The following TULP4 variants were observed in gnomAD, a reference collection of about 807,000 sequenced individuals.
TULP4 encodes TUB like protein 4, also known as tubby-related protein 4.
A neutral mutation model predicts 129.0 loss-of-function variants in TULP4; 16 were observed. That is an observed-to-expected ratio of 0.12 (90% CI 0.08 to 0.19). TULP4 has a LOEUF of 0.19. TULP4 is among the 10% of genes least tolerant of loss of function. The probability of loss-of-function intolerance (pLI) is 1.00; values close to 1 mark genes in which losing one functional copy is unlikely to be tolerated. For synonymous variants in TULP4, 998 were observed against 854.0 expected (o/e 1.17, Z -2.94); for missense variants, 1,842 against 2,059.1 (o/e 0.89, Z 2.04).
chr6:158,245,687 G>T (rs1222199033), intron 1 of TULP4, among the ~76,000 whole-genome samples: 5 of 152,094 alleles, frequency 3.3e-5, no homozygotes, highest in Non-Finnish European at 7.4e-5. Flanking sequence ...TTATTTAAAT[G>T]GATTATATTA....
chr6:158,311,588 T>G (rs1209322908), upstream of TULP4, among the ~76,000 whole-genome samples: 1 of 152,220 alleles, frequency 6.6e-6, no homozygotes, highest in African/African-American at 2.4e-5. Context: ...TTAAAGGCCC[T>G]TACTGCTTTG....
intron 1 of TULP4, among the ~76,000 whole-genome samples, chr6:158,267,957 C>T (rs187884658): frequency 1.2e-4 from 18 of 151,978 alleles, no homozygotes; most frequent in Middle Eastern, 3.4e-3. Flanking sequence ...CTCTGTTTTC[C>T]ACAGGTTTTT....
Position 158,300,121 on chromosome 6 carries a change from C to T in TULP4, n.117-11930C>T, listed in dbSNP as rs559184751. 1.2e-4 allele frequency among the ~76,000 whole-genome samples: 19 copies of T among 152,294 alleles called. No homozygotes were observed. In the East Asian group the frequency reaches 1.3e-3, roughly 11 times the overall value. ...CACCAGGTATGAAGGTGGTCTCTGA[C>T]GCAGACGTCTCTTCCCTATGGTTTT... On this transcript the variant is annotated intron_variant and non_coding_transcript_variant, in intron 1 of 1. Transcript: ENST00000432358.
intron 2 of TULP4, among the ~76,000 whole-genome samples, chr6:158,425,026 C>T (rs1297075578): frequency 1.3e-5 from 2 of 151,178 alleles, no homozygotes; most frequent in South Asian, 2.1e-4. Flanking sequence ...TGGTGGTGGG[C>T]GCCTGTATTC....
intron 5 of TULP4, among the ~76,000 whole-genome samples, chr6:158,456,852 G>A (rs1303605909): frequency 1.3e-5 from 2 of 148,252 alleles, no homozygotes; most frequent in African/African-American, 2.5e-5. Flanking sequence ...AAAAAAAAAT[G>A]TTCAGTGTAC....
intron 1 of TULP4, among the ~76,000 whole-genome samples, chr6:158,265,605 C>A (rs1778432159): frequency 6.6e-6 from 1 of 151,854 alleles, no homozygotes; most frequent in Non-Finnish European, 1.5e-5. Context: ...TTGCTTGAAC[C>A]TGGGAGGCGG....
chr6:158,280,360 C>T (rs1778727368), upstream of TULP4, among the ~76,000 whole-genome samples: 1 of 152,080 alleles, frequency 6.6e-6, no homozygotes, highest in African/African-American at 2.4e-5. Flanking sequence ...CTTTTCCTCC[C>T]TGGTTATTTA....
intron 6 of TULP4, among the ~76,000 whole-genome samples, chr6:158,478,986 G>A (rs550744026): frequency 1.3e-5 from 2 of 152,140 alleles, no homozygotes; most frequent in African/African-American, 4.8e-5. Flanking sequence ...TGCAGTGACT[G>A]TGGGTTATAT....
chr6:158,421,060 C>T (rs887602590), intron 2 of TULP4, among the ~76,000 whole-genome samples: 1 of 152,052 alleles, frequency 6.6e-6, no homozygotes, highest in Non-Finnish European at 1.5e-5. Context: ...TAATCAAATA[C>T]ATTTAAGAAA....
At chr6:158,351,085 C>T (rs955086098) in intron 1 of TULP4, among the ~76,000 whole-genome samples, 3 of 152,166 alleles carry the variant, frequency 2.0e-5, no homozygotes, top group African/African-American at 7.2e-5. Context: ...GCTGTGTATG[C>T]TTTCACAGAG....
At chr6:158,303,268 C>T (rs1166380339) in intron 1 of TULP4, among the ~76,000 whole-genome samples, 13 of 151,862 alleles carry the variant, frequency 8.6e-5, no homozygotes, top group Admixed American at 3.3e-4. Flanking sequence ...TTCTATTTTC[C>T]GTAAGTGTTG....
At chr6:158,488,362 T>C (rs1780117255) in intron 8 of TULP4, among the ~76,000 whole-genome samples, 1 of 152,224 alleles carries the variant, frequency 6.6e-6, no homozygotes, top group Non-Finnish European at 1.5e-5. Flanking sequence ...TTAAGCCTTT[T>C]TATTTGCTTA....
chr6:158,467,581 T>C (rs964502995), intron 6 of TULP4, among the ~76,000 whole-genome samples: 3 of 152,198 alleles, frequency 2.0e-5, no homozygotes, highest in African/African-American at 7.2e-5. Context: ...GCGCCCTGCC[T>C]GCCTTTCCCT....
chr6:158,430,093 C>A (rs1297314118), intron 3 of TULP4, among the ~76,000 whole-genome samples, 196 bp downstream of exon 3: 1 of 151,964 alleles, frequency 6.6e-6, no homozygotes, highest in Non-Finnish European at 1.5e-5. Context: ...CATTTCCCAC[C>A]AATATGGTAA....
chr6:158,245,997 C>G (rs911625832), intron 1 of TULP4, among the ~76,000 whole-genome samples: 1 of 148,390 alleles, frequency 6.7e-6, no homozygotes, highest in African/African-American at 2.5e-5. Flanking sequence ...TATGATTGAC[C>G]GTGAGTAATT....
chr6:158,432,713 T>G (rs1420737725), intron 3 of TULP4, among the ~76,000 whole-genome samples: 1 of 152,204 alleles, frequency 6.6e-6, no homozygotes, highest in East Asian at 1.9e-4. Flanking sequence ...ATAGAAAAAT[T>G]AGCTGGGCAT....
intron 6 of TULP4, among the ~76,000 whole-genome samples, chr6:158,464,676 G>A (rs537432938): frequency 1.3e-5 from 2 of 152,330 alleles, no homozygotes; most frequent in East Asian, 3.9e-4. Flanking sequence ...TAGAATTACA[G>A]GCAGGAGCCA....
intron 1 of TULP4, among the ~76,000 whole-genome samples, chr6:158,343,936 G>A (rs1448896529): frequency 2.0e-5 from 3 of 152,152 alleles, no homozygotes; most frequent in Non-Finnish European, 2.9e-5. Flanking sequence ...TGACCTGCAC[G>A]TATACATCCA....
chr6:158,427,598 A>T (rs1176101014), intron 2 of TULP4, among the ~76,000 whole-genome samples: 1 of 144,334 alleles, frequency 6.9e-6, no homozygotes, highest in Non-Finnish European at 1.5e-5. Flanking sequence ...GGTTCAAGCG[A>T]TTCTCCTGCC....
Sources: allele counts gnomAD v4.1 joint callset (sites outside exome capture counted in the v4.1 genomes callset), GRCh38; gene constraint gnomAD v4.1.1; transcripts MANE v1.5; gene names NCBI Gene and HGNC (gene_info 2026-07-23, HGNC 2026-07-21).